The following ATCAY variants were observed in gnomAD, a reference collection of about 807,000 sequenced individuals.
ATCAY encodes the protein ATCAY kinesin light chain interacting caytaxin, also known as caytaxin.
ATCAY carries 22 observed loss-of-function variants against 47.7 expected under a neutral mutation model. The observed-to-expected ratio is 0.46, with a 90% CI of 0.33 to 0.66. The LOEUF (loss-of-function observed/expected upper bound fraction) is 0.66. Ranked by LOEUF, ATCAY falls within the 30% of genes least tolerant of loss-of-function variation. The pLI is 0.02. For synonymous variants in ATCAY, 216 were observed against 207.6 expected (o/e 1.04, Z -0.35); for missense variants, 452 against 515.0 (o/e 0.88, Z 1.18).
At position 3,927,824 on chromosome 19, in the gene ATCAY, GGGTGT is replaced by G. The variant is rs1387451018; in HGVS notation, c.*3236_*3240del. On this transcript the variant is annotated 3_prime_UTR_variant, in exon 13 of 13. Transcript: ENST00000450849. ...TGAGATGGATTTGTATCAGGGTGGG[GGGTGT>G]GGTTTGGCCAAAATGCAATGGACCC... 1 of 152,314 alleles carries G rather than the reference GGGTGT, an allele frequency of 6.6e-6. No homozygotes were observed. The highest frequency in any genetic ancestry group is 1.5e-5 in the Non-Finnish European group (1 of 68,122). The allele number at this position is 152,314 out of a possible 1,614,324, so 9.4% of individuals were successfully genotyped here. A position where few individuals can be genotyped will look rare whatever the true frequency, so the allele number is the denominator to read the frequency against.
chr19:3,907,236 G>C lies in ATCAY; in HGVS notation c.359-498G>C, dbSNP rs1005053663. On this transcript the variant is annotated intron_variant, in intron 4 of 12. Coordinates refer to ENST00000450849, the MANE Select transcript of ATCAY (RefSeq NM_033064.5). This position sits in a 1 kb window ranked among gnomAD's most constrained non-coding sequence, Gnocchi z 5.1. ...AGGGTAGGAGGATCGCTTAAGGCCAGGAGTTTGAGACCAGCCTGGGCAACA... is the reference window on the plus strand; with the variant it reads ...AGGGTAGGAGGATCGCTTAAGGCCACGAGTTTGAGACCAGCCTGGGCAACA... Among the ~76,000 whole-genome samples, 2 of 151,998 alleles carry C rather than the reference G, an allele frequency of 1.3e-5. No homozygotes were observed. Among genetic ancestry groups the C allele is most frequent in the African/African-American group, 2.4e-5 (1 of 41,404 alleles).
At chr19:3,890,132 C>T (rs1051523906) in intron 2 of ATCAY, among the ~76,000 whole-genome samples, 2 of 150,824 alleles carry the variant, frequency 1.3e-5, no homozygotes, top group African/African-American at 4.9e-5. Flanking sequence ...TTAGTAGAGA[C>T]GAGGTTTCAC....
intron 2 of ATCAY, among the ~76,000 whole-genome samples, chr19:3,887,711 C>T (rs897388731): frequency 6.7e-6 from 1 of 150,218 alleles, no homozygotes; most frequent in Non-Finnish European, 1.5e-5. Flanking sequence ...TGGTCTCGAT[C>T]GTCTGACCTC....
At position 3,892,030 on chromosome 19, in the gene ATCAY, C is replaced by T. The variant is rs1354148160; in HGVS notation, c.77+6186C>T. Among the ~76,000 whole-genome samples, 3 of 151,946 alleles carry T rather than the reference C, an allele frequency of 2.0e-5. No homozygotes were observed. The Admixed American group carries it at 2.0e-4, about 10-fold the overall frequency. ...TCAGCCTCCCAAATAGCTGAGTTTA[C>T]AGGCGCCCACCACCACGCCCAGCTA... On this transcript the variant is annotated intron_variant, in intron 2 of 12. Transcript: ENST00000450849.
intron 3 of ATCAY, 115 bp from the exon 4 acceptor site, chr19:3,905,318 GC>G (rs1197051097): frequency 1.9e-6 from 2 of 1,057,212 alleles, no homozygotes; most frequent in African/African-American, 3.2e-5. Context: ...ACAGAAGGGA[GC>G]CCACCCTCTC....
At chr19:3,894,206 C>T (rs141112187) in intron 2 of ATCAY, among the ~76,000 whole-genome samples, 1,802 of 151,950 alleles carry the variant, frequency 0.012, 39 homozygotes, top group African/African-American at 0.042. Context: ...GCTGGGTGGC[C>T]GGGCGCGGTG....
chr19:3,901,313 G>A (rs983668357), intron 2 of ATCAY, among the ~76,000 whole-genome samples: 6 of 152,014 alleles, frequency 3.9e-5, no homozygotes, highest in African/African-American at 9.7e-5. Context: ...ATTTATATCC[G>A]TATGGACTCA....
chr19:3,887,913 C>T lies in ATCAY; in HGVS notation c.77+2069C>T, dbSNP rs560644371. Among the ~76,000 whole-genome samples, 286 of 151,138 alleles carry T rather than the reference C, an allele frequency of 1.9e-3. 1 individual carries two copies. The highest frequency in any genetic ancestry group is 6.7e-3 in the African/African-American group (277 of 41,254). On this transcript the variant is annotated intron_variant, in intron 2 of 12. Transcript: ENST00000450849. ...CACAAGGTCAGGAATTTGAGACCAGCCTGGCCGACATAGTGAAACCCTGTC... is the reference window on the plus strand; with the variant it reads ...CACAAGGTCAGGAATTTGAGACCAGTCTGGCCGACATAGTGAAACCCTGTC...
intron 7 of ATCAY, 80 bp from the exon 8 acceptor site, chr19:3,910,723 G>A: frequency 9.2e-6 from 13 of 1,407,396 alleles, no homozygotes; most frequent in East Asian, 2.3e-5. Context: ...CTTGCTTGTG[G>A]CTCTCCCGTC....
chr19:3,918,679 C>T (rs2038988984), intron 10 of ATCAY, 127 bp from the exon 11 acceptor site: 1 of 864,112 alleles, frequency 1.2e-6, no homozygotes, highest in East Asian at 2.6e-5. Context: ...AGGCAGGGAA[C>T]ATCTCACTGG....
chr19:3,889,681 A>G (rs73523282), intron 2 of ATCAY, among the ~76,000 whole-genome samples: 31,623 of 152,102 alleles, frequency 0.21, 3,956 homozygotes, highest in South Asian at 0.34. Context: ...TCGGACGCCC[A>G]TGGTTCAAAT....
intron 3 of ATCAY, among the ~76,000 whole-genome samples, chr19:3,903,975 A>T (rs1354516452): frequency 7.2e-6 from 1 of 139,078 alleles, no homozygotes; most frequent in Non-Finnish European, 1.5e-5. Flanking sequence ...CGTCTCTACT[A>T]AAGATACAAA....
At position 3,887,195 on chromosome 19, in the gene ATCAY, G is replaced by A. The variant is rs971522101; in HGVS notation, c.77+1351G>A. On this transcript the variant is annotated intron_variant, in intron 2 of 12. Coordinates refer to ENST00000450849, the MANE Select transcript of ATCAY (RefSeq NM_033064.5). Reference sequence around the variant, plus strand: ...ACAGGGGCTGGGCACGGTGGCTCACGCCTATGATCCCAGCACTTACAGAGG... The same window carrying A: ...ACAGGGGCTGGGCACGGTGGCTCACACCTATGATCCCAGCACTTACAGAGG... 3.7e-4 allele frequency among the ~76,000 whole-genome samples: 57 copies of A among 152,098 alleles called. 1 individual carries two copies. The highest frequency in any genetic ancestry group is 2.6e-4 in the Admixed American group (4 of 15,246).
chr19:3,913,758 C>A lies in ATCAY; in HGVS notation c.867C>A (p.Ser289Arg). ...TVLAISRPFISVKFINKIQYV... is the reference protein window; with the variant it reads ...TVLAISRPFIRVKFINKIQYV... Reference sequence around the variant, plus strand: ...CTCTCCCTCCTTCTCCCCCCGCCAGCGTCAAGTTCATCAACAAGATCCAGT... The same window carrying A: ...CTCTCCCTCCTTCTCCCCCCGCCAGAGTCAAGTTCATCAACAAGATCCAGT... The change falls in exon 9 of 13, where the codon AGC becomes AGA. Residue 289 changes from serine (S) to arginine (R), a missense_variant and splice_region_variant. Physicochemically the swap from Ser to Arg is moderately radical, Grantham distance 110. Transcript: ENST00000450849. The A allele has an allele frequency of 6.2e-7, 1 of 1,613,448 alleles. No individual in the cohort carries two copies. The highest frequency in any genetic ancestry group is 8.5e-7 in the Non-Finnish European group (1 of 1,179,642).
chr19:3,885,164 A>G (rs1421305156), intron 1 of ATCAY, among the ~76,000 whole-genome samples: 1 of 149,532 alleles, frequency 6.7e-6, no homozygotes. Context: ...CACCCCTGTA[A>G]TCCCAGCACT....
intron 8 of ATCAY, 99 bp downstream of exon 8, chr19:3,910,988 C>A: frequency 1.5e-6 from 2 of 1,315,436 alleles, no homozygotes; most frequent in Non-Finnish European, 2.2e-6. Flanking sequence ...CACGTGTGTG[C>A]GTGTGTGCAT....
At chr19:3,885,689 T>C (rs1319278994) in intron 1 of ATCAY, 38 bp from the exon 2 acceptor site, 26 of 1,234,606 alleles carry the variant, frequency 2.1e-5, no homozygotes, top group Non-Finnish European at 2.7e-5. Context: ...TTAGGACTAT[T>C]GTCCAGTAAA....
intron 2 of ATCAY, among the ~76,000 whole-genome samples, chr19:3,890,820 G>A (rs977136099): frequency 6.6e-6 from 1 of 152,204 alleles, no homozygotes; most frequent in Non-Finnish European, 1.5e-5. Flanking sequence ...TTTGCCAACA[G>A]GACACTTCCT....
At chr19:3,881,816 G>A (rs978639085) in intron 1 of ATCAY, among the ~76,000 whole-genome samples, 5 of 150,870 alleles carry the variant, frequency 3.3e-5, no homozygotes, top group African/African-American at 1.2e-4. Context: ...CGTTTCTACT[G>A]CCGAGGAGAA....
Sources: allele counts gnomAD v4.1 joint callset (sites outside exome capture counted in the v4.1 genomes callset), GRCh38; gene constraint gnomAD v4.1.1; non-coding constraint Gnocchi (gnomAD v3.1); transcripts MANE v1.5; gene names NCBI Gene and HGNC (gene_info 2026-07-23, HGNC 2026-07-21).